The following FUT7 variants were observed in gnomAD, a reference collection of about 807,000 sequenced individuals.
FUT7 encodes fucosyltransferase 7.
In FUT7, 2 loss-of-function variants were observed where a neutral mutation model predicts 5.0. The ratio of observed to expected loss-of-function variants is 0.40; its 90% CI spans 0.16 to 1.26. The LOEUF (loss-of-function observed/expected upper bound fraction) is 1.26. FUT7 is among the 50% of genes most tolerant of loss of function. FUT7 has a pLI of 0.32. For missense variants in FUT7, 461 were observed against 489.8 expected, an observed-to-expected ratio of 0.94 and a Z score of 0.55; for synonymous variants, 218 against 210.6, an observed-to-expected ratio of 1.03 and a Z score of -0.30.
At position 137,030,895 on chromosome 9, in the gene FUT7, C is replaced by T. The variant is rs756533369; in HGVS notation, c.844G>A (p.Glu282Lys). Residue 282 changes from glutamate to lysine, a missense_variant, in exon 2 of 2, where the codon GAG becomes AAG. Transcript: ENST00000314412. Reference sequence around the variant, plus strand: ...ATGCCAGTGAGGAAAGCCGCCAGCTCTCGGGCTGAGCCAAAGTCATCCACA... The same window carrying T: ...ATGCCAGTGAGGAAAGCCGCCAGCTTTCGGGCTGAGCCAAAGTCATCCACA... ...VHVDDFGSAR[E>K]LAAFLTGMNE... 2.5e-6 allele frequency: 4 copies of T among 1,612,832 alleles called. No individual in the cohort carries two copies. The highest frequency in any genetic ancestry group is 3.3e-5 in the Admixed American group (2 of 60,034).
In FUT7 at chr9:137,031,442, C is replaced by G; in HGVS notation, c.297G>C (p.Gln99His). ...CCAGGGGCAGGTGGGACCGCCGGGTCTGCAGCTCGCGGTGGTGGAAGACCA... is the reference window on the plus strand; with the variant it reads ...CCAGGGGCAGGTGGGACCGCCGGGTGTGCAGCTCGCGGTGGTGGAAGACCA... The part of the protein sequence containing the change: ...DAVVFHHREL[Q>H]TRRSHLPLAQ... Residue 99 changes from glutamine to histidine, a missense_variant, in exon 2 of 2, where the codon CAG (glutamine) becomes CAC (histidine). Gln to His is a conservative substitution (Grantham distance 24). Coordinates refer to ENST00000314412, the MANE Select transcript of FUT7 (RefSeq NM_004479.4). The G allele has an allele frequency of 1.3e-6, 2 of 1,554,936 alleles. No individual in the cohort carries two copies. The highest frequency in any genetic ancestry group is 2.4e-5 in the South Asian group (2 of 84,942).
rs1831839894 is a variant in FUT7, at chr9:137,030,962, C to T, written c.777G>A (p.Arg259=). Residue 259 remains arginine (R), a synonymous_variant, in exon 2 of 2, where the codon CGG becomes CGA. Transcript: ENST00000314412. ...GTVPVVLGPP[R]ATYEAFVPAD... ...CCGGCACGAAGGCCTCATAGGTGGC[C>T]CGTGGGGGCCCCAGCACCACTGGCA... 6.2e-7 allele frequency: 1 copy of T among 1,612,730 alleles called. No individual in the cohort carries two copies. The highest frequency in any genetic ancestry group is 1.1e-5 in the South Asian group (1 of 91,090).
rs769909942 is a variant in FUT7 at position 137,031,567 on chromosome 9, C to A, written c.172G>T (p.Asp58Tyr). 1.3e-6 allele frequency: 2 copies of A among 1,568,182 alleles called. No homozygotes were observed. Among genetic ancestry groups the A allele is most frequent in the Non-Finnish European group, 1.7e-6 (2 of 1,158,146 alleles). Residue 58 changes from aspartate (D) to tyrosine (Y), a missense_variant, in exon 2 of 2, where the codon GAC (aspartate) becomes TAC (tyrosine). Coordinates refer to ENST00000314412, the MANE Select transcript of FUT7 (RefSeq NM_004479.4). ...TCGCTGGGCAGCTCTGGGGGCTGGT[C>A]AGTGAAGGGCCAGTGCCAGACAAGG... ...TILVWHWPFT[D>Y]QPPELPSDTC...
In FUT7 at chr9:137,031,539, G is replaced by T; in HGVS notation, c.200C>A (p.Thr67Asn). ...GCGGGCGATGCCGTAGCGGGTGCAG[G>T]TGTCGCTGGGCAGCTCTGGGGGCTG... Reference protein sequence around the residue: ...TDQPPELPSDTCTRYGIARCH... With the variant: ...TDQPPELPSDNCTRYGIARCH... The change falls in exon 2 of 2, where the codon ACC becomes AAC. Residue 67 changes from threonine (T) to asparagine (N), a missense_variant. By Grantham distance (65) the Thr-to-Asn change is moderately conservative. Transcript: ENST00000314412. The T allele has an allele frequency of 6.4e-7, 1 of 1,562,234 alleles. No homozygotes were observed. Among genetic ancestry groups the T allele is most frequent in the South Asian group, 1.2e-5 (1 of 85,080 alleles).
chr9:137,030,993 C>T lies in FUT7; in HGVS notation c.746G>A (p.Gly249Asp), dbSNP rs745742534. The T allele has an allele frequency of 2.5e-6, 4 of 1,612,884 alleles. No homozygotes were observed. The highest frequency in any genetic ancestry group is 1.1e-5 in the South Asian group (1 of 91,086). Residue 249 changes from glycine (G) to aspartate (D), a missense_variant, in exon 2 of 2, where the codon GGC (glycine) becomes GAC (aspartate). By Grantham distance (94) the Gly-to-Asp change is moderately conservative. Coordinates refer to ENST00000314412, the MANE Select transcript of FUT7 (RefSeq NM_004479.4). Reference protein sequence around the residue: ...EKFWRNALVAGTVPVVLGPPR... With the variant: ...EKFWRNALVADTVPVVLGPPR... ...GGGCCCCAGCACCACTGGCACAGTG[C>T]CAGCCACCAGTGCGTTGCGCCAGAA...
In FUT7 at chr9:137,030,551, C is replaced by T; in HGVS notation, c.*159G>A. 1 of 817,864 alleles carries T rather than the reference C, an allele frequency of 1.2e-6. No individual in the cohort carries two copies. The highest frequency in any genetic ancestry group is 2.2e-5 in the Admixed American group (1 of 46,238). The allele number at this position is 817,864 out of a possible 1,614,324, so 50.7% of individuals were successfully genotyped here. A position where few individuals can be genotyped will look rare whatever the true frequency, so the allele number is the denominator to read the frequency against. ...CTCCCTCCCACTCTCACCTCCTCTG[C>T]ATGCTCCAGTGCCCACCTGCACCCC... On this transcript the variant is annotated 3_prime_UTR_variant, in exon 2 of 2. Transcript: ENST00000314412.
Position 137,032,002 on chromosome 9 carries a change from C to A in FUT7, c.-11G>T. ...ACCAGCATTATTCATCCACAGTCTCCCAGGATCAGTCAGCCAAGAGACCCG... is the reference window on the plus strand; with the variant it reads ...ACCAGCATTATTCATCCACAGTCTCACAGGATCAGTCAGCCAAGAGACCCG... On this transcript the variant is annotated 5_prime_UTR_variant, in exon 1 of 2. Coordinates refer to ENST00000314412, the MANE Select transcript of FUT7 (RefSeq NM_004479.4). 2 of 1,612,878 alleles carry A rather than the reference C, an allele frequency of 1.2e-6. No individual in the cohort carries two copies. The highest frequency in any genetic ancestry group is 1.7e-6 in the Non-Finnish European group (2 of 1,179,924).
In FUT7 at chr9:137,030,458, T is replaced by G; in HGVS notation, c.*252A>C. 6 of 543,914 alleles carry G rather than the reference T, an allele frequency of 1.1e-5. No homozygotes were observed. The highest frequency in any genetic ancestry group is 3.2e-5 in the East Asian group (1 of 31,040). The allele number at this position is 543,914 out of a possible 1,614,324, so 33.7% of individuals were successfully genotyped here. A position where few individuals can be genotyped will look rare whatever the true frequency, so the allele number is the denominator to read the frequency against. On this transcript the variant is annotated 3_prime_UTR_variant, in exon 2 of 2. Transcript: ENST00000314412. The stretch of plus-strand genomic sequence containing the variant: ...CAGCCAGGCCTTCACCCACCCAAGA[T>G]TTGTTCAGGGTGGGGAGGGTCCTCG...
intron 1 of FUT7, 51 bp downstream of exon 1, chr9:137,031,928 A>C: frequency 6.3e-7 from 1 of 1,582,336 alleles, no homozygotes; most frequent in Non-Finnish European, 8.6e-7. Flanking sequence ...CTCCCCTCCC[A>C]GGTTGCCTAG....
At position 137,031,427 on chromosome 9, in the gene FUT7, G is replaced by A. The variant is rs1318146551; in HGVS notation, c.312C>T (p.His104=). 1.3e-6 allele frequency: 2 copies of A among 1,557,658 alleles called. No homozygotes were observed. The highest frequency in any genetic ancestry group is 4.8e-5 in the East Asian group (2 of 41,856). ...HHRELQTRRS[H]LPLAQRPRGQ... ...CTCGCGGCCGCTGGGCCAGGGGCAG[G>A]TGGGACCGCCGGGTCTGCAGCTCGC... is the stretch of plus-strand genomic sequence containing the variant. Residue 104 remains histidine, a synonymous_variant, in exon 2 of 2, where the codon CAC becomes CAT. Transcript: ENST00000314412.
rs771442599 is a variant in FUT7, at chr9:137,031,084, C to T, written c.655G>A (p.Val219Met). 21 of 1,612,668 alleles carry T rather than the reference C, an allele frequency of 1.3e-5. No individual in the cohort carries two copies. Among genetic ancestry groups the T allele is most frequent in the African/African-American group, 9.3e-5 (7 of 74,952 alleles). The change falls in exon 2 of 2, where the codon GTG becomes ATG. Residue 219 changes from valine (V) to methionine (M), a missense_variant. Transcript: ENST00000314412. ...GACAGGTAGAAGCGGTACTGGGCCA[C>T]GGTGGGCACCAGGCAGCTGGCGCAC... ...PLCASCLVPT[V>M]AQYRFYLSFE...
chr9:137,030,799 G>T lies in FUT7; in HGVS notation c.940C>A (p.Arg314=). 4 of 1,612,806 alleles carry T rather than the reference G, an allele frequency of 2.5e-6. No homozygotes were observed. The highest frequency in any genetic ancestry group is 3.4e-6 in the Non-Finnish European group (4 of 1,179,966). The change falls in exon 2 of 2, where the codon CGG becomes AGG. Residue 314 remains arginine (R), a synonymous_variant. Coordinates refer to ENST00000314412, the MANE Select transcript of FUT7 (RefSeq NM_004479.4). ...TCACAGATGGCACAGAAACGTTCCC[G>T]CCAGTCGGTGAACAGTCGCACGCGG... ...RLRVRLFTDW[R]ERFCAICDRY...
At position 137,030,965 on chromosome 9, in the gene FUT7, T is replaced by TG; in HGVS notation, c.773dup (p.Arg259ThrfsTer5). 2 of 1,612,810 alleles carry TG rather than the reference T, an allele frequency of 1.2e-6. No individual in the cohort carries two copies. Among genetic ancestry groups the TG allele is most frequent in the Non-Finnish European group, 1.7e-6 (2 of 1,180,000 alleles). On this transcript the variant is annotated frameshift_variant, in exon 2 of 2. Transcript: ENST00000314412. LOFTEE classifies it low-confidence loss of function (END_TRUNC). ...GCACGAAGGCCTCATAGGTGGCCCG[T>TG]GGGGGCCCCAGCACCACTGGCACAG... is the stretch of plus-strand genomic sequence containing the variant.
rs745433503 is a variant in FUT7, at chr9:137,030,741, T to C, written c.998A>G (p.Tyr333Cys). The change falls in exon 2 of 2, where the codon TAT (tyrosine) becomes TGT (cysteine). Residue 333 changes from tyrosine (Y) to cysteine (C), a missense_variant. Physicochemically the swap from Tyr to Cys is radical, Grantham distance 194. Transcript: ENST00000314412. ...CTGAAACCAACCCTCAAGGTCCTCATAGACTTGGCTGCGGGGTAGGTGTGG... is the reference window on the plus strand; with the variant it reads ...CTGAAACCAACCCTCAAGGTCCTCACAGACTTGGCTGCGGGGTAGGTGTGG... ...RYPHLPRSQV[Y>C]EDLEGWFQA 1 of 1,612,746 alleles carries C rather than the reference T, an allele frequency of 6.2e-7. No individual in the cohort carries two copies. Among genetic ancestry groups the C allele is most frequent in the Non-Finnish European group, 8.5e-7 (1 of 1,179,932 alleles).
At position 137,031,440 on chromosome 9, in the gene FUT7, G is replaced by T. The variant is rs376539871; in HGVS notation, c.299C>A (p.Thr100Asn). ...GGCCAGGGGCAGGTGGGACCGCCGG[G>T]TCTGCAGCTCGCGGTGGTGGAAGAC... Reference protein sequence around the residue: ...AVVFHHRELQTRRSHLPLAQR... With the variant: ...AVVFHHRELQNRRSHLPLAQR... The change falls in exon 2 of 2, where the codon ACC becomes AAC. Residue 100 changes from threonine to asparagine, a missense_variant. Coordinates refer to ENST00000314412, the MANE Select transcript of FUT7 (RefSeq NM_004479.4). 3 of 1,555,634 alleles carry T rather than the reference G, an allele frequency of 1.9e-6. No homozygotes were observed. Among genetic ancestry groups the T allele is most frequent in the African/African-American group, 1.4e-5 (1 of 73,506 alleles).
rs1256721393 is a variant in FUT7, at chr9:137,030,223, C to T, written c.*487G>A. On this transcript the variant is annotated 3_prime_UTR_variant, in exon 2 of 2. Coordinates refer to ENST00000314412, the MANE Select transcript of FUT7 (RefSeq NM_004479.4). ...CCGCCCTCCCTCCCTGAGCCCAGAACAAGCTGGTTTGCTCCCCGTGGTCTC... is the reference window on the plus strand; with the variant it reads ...CCGCCCTCCCTCCCTGAGCCCAGAATAAGCTGGTTTGCTCCCCGTGGTCTC... 1 of 208,922 alleles carries T rather than the reference C, an allele frequency of 4.8e-6. No homozygotes were observed. The highest frequency in any genetic ancestry group is 1.2e-4 in the East Asian group (1 of 8,692). The allele number at this position is 208,922 out of a possible 1,614,324, so 12.9% of individuals were successfully genotyped here.
intron 1 of FUT7, 73 bp from the exon 2 acceptor site, chr9:137,031,798 A>T: frequency 6.6e-7 from 1 of 1,506,966 alleles, no homozygotes; most frequent in South Asian, 1.2e-5. Context: ...CTCAGCGCCA[A>T]CCCCGTCCTC....
Position 137,031,219 on chromosome 9 carries a change from C to T in FUT7, c.520G>A (p.Ala174Thr), listed in dbSNP as rs747718475. Residue 174 changes from alanine (A) to threonine (T), a missense_variant, in exon 2 of 2, where the codon GCC (alanine) becomes ACC (threonine). By Grantham distance (58) the Ala-to-Thr change is moderately conservative. Transcript: ENST00000314412. ...TCCTGGAAGTTGCTGACCACCCAGG[C>T]GGCCACCCTGCTCTTGGCTGGCAGC... ...PPLPAKSRVA[A>T]WVVSNFQERQ... 28 of 1,609,248 alleles carry T rather than the reference C, an allele frequency of 1.7e-5. No individual in the cohort carries two copies. Among genetic ancestry groups the T allele is most frequent in the Middle Eastern group, 1.6e-4 (1 of 6,076 alleles).
In FUT7 at chr9:137,030,293, A is replaced by G; in HGVS notation, c.*417T>C. On this transcript the variant is annotated 3_prime_UTR_variant, in exon 2 of 2. Transcript: ENST00000314412. ...ACACACAGGGACCTCAGAACTATGG[A>G]CGTGGCAGGGACCCGTGCCTGTGTC... 1 of 273,702 alleles carries G rather than the reference A, an allele frequency of 3.7e-6. No individual in the cohort carries two copies. The highest frequency in any genetic ancestry group is 7.3e-6 in the Non-Finnish European group (1 of 137,902). The allele number at this position is 273,702 out of a possible 1,614,324, so 17.0% of individuals were successfully genotyped here.
Sources: allele counts gnomAD v4.1 joint callset, GRCh38; gene constraint gnomAD v4.1.1; transcripts MANE v1.5; gene names NCBI Gene and HGNC (gene_info 2026-07-23, HGNC 2026-07-21).